Variants in ATF6 observed in about 807,000 individuals in gnomAD.
ATF6 encodes the protein activating transcription factor 6.
Under a neutral mutation model 83.6 loss-of-function variants are expected in ATF6, and 53 were observed. The ratio of observed to expected loss-of-function variants is 0.63; its 90% CI spans 0.51 to 0.80. ATF6 has a LOEUF of 0.80. Among genes scored for constraint, ATF6 ranks in the 30% least tolerant of loss-of-function variants. The pLI is 0.00. For missense variants in ATF6, 744 were observed against 797.9 expected (o/e 0.93, Z 0.81); for synonymous variants, 288 against 285.8 (o/e 1.01, Z -0.08).
intron 14 of ATF6, chr1:161,891,583 ACCT>A (rs1322428909): frequency 2.1e-4 from 32 of 152,280 alleles, no homozygotes; most frequent in African/African-American, 7.2e-4. Context: ...ATCCTGCTGC[ACCT>A]ACGGAACGAG....
chr1:161,777,005 G>A (rs535001657), intron 1 of ATF6, among the ~76,000 whole-genome samples: 5 of 152,314 alleles, frequency 3.3e-5, no homozygotes, highest in Admixed American at 3.3e-4. Flanking sequence ...TATTCTGGAA[G>A]TCAAGTGAAG....
intron 9 of ATF6, among the ~76,000 whole-genome samples, chr1:161,843,012 G>A (rs1394068): frequency 0.094 from 14,320 of 152,172 alleles, 1,253 homozygotes; most frequent in East Asian, 0.32. Flanking sequence ...TTTCCAATGC[G>A]TTTATTGCAG....
chr1:161,890,939 C>T (rs1687541812), intron 14 of ATF6: 1 of 152,252 alleles, frequency 6.6e-6, no homozygotes, highest in South Asian at 2.1e-4. Context: ...CTCTAGAAGC[C>T]ATGGCTTTTC....
At chr1:161,909,144 A>G (rs552671672) in intron 14 of ATF6, among the ~76,000 whole-genome samples, 225 of 152,334 alleles carry the variant, frequency 1.5e-3, no homozygotes, top group Middle Eastern at 6.8e-3. Flanking sequence ...TGTCTCATGT[A>G]TAAGTTTCAG....
At chr1:161,872,084 G>A (rs1163926789) in intron 14 of ATF6, among the ~76,000 whole-genome samples, 4 of 151,584 alleles carry the variant, frequency 2.6e-5, no homozygotes, top group Non-Finnish European at 4.4e-5. Context: ...AACACAATAC[G>A]ATAATCTTTA....
chr1:161,787,926 A>T (rs992633540), intron 4 of ATF6, among the ~76,000 whole-genome samples: 1 of 152,342 alleles, frequency 6.6e-6, no homozygotes, highest in Admixed American at 6.5e-5. Context: ...TGTTTTTAAG[A>T]TAAATTCCTA....
intron 14 of ATF6, among the ~76,000 whole-genome samples, chr1:161,885,196 A>G (rs1244387550): frequency 6.6e-6 from 1 of 152,154 alleles, no homozygotes; most frequent in African/African-American, 2.4e-5. Context: ...TTCTTCTCTC[A>G]GTCAGTTGAA....
Position 161,960,798 on chromosome 1 carries a change from A to T in ATF6, c.*2144A>T, listed in dbSNP as rs149264670. On this transcript the variant is annotated 3_prime_UTR_variant, in exon 16 of 16. Coordinates refer to ENST00000367942, the MANE Select transcript of ATF6 (RefSeq NM_007348.4). ...CAAATGCCCAGAAGACCTTCAGGTG[A>T]CTGGGCAGTCTTATCATGGGATATT... The T allele has an allele frequency of 6.6e-6, 1 of 152,342 alleles. No homozygotes were observed. The highest frequency in any genetic ancestry group is 1.9e-4 in the East Asian group (1 of 5,182). The allele number at this position is 152,342 out of a possible 1,614,324, so 9.4% of individuals were successfully genotyped here.
At chr1:161,820,146 A>G (rs1266877323) in intron 8 of ATF6, among the ~76,000 whole-genome samples, 1 of 147,826 alleles carries the variant, frequency 6.8e-6, no homozygotes, top group East Asian at 2.2e-4. Flanking sequence ...AAAGAAAACA[A>G]TATAAAAGTG....
At chr1:161,803,354 C>T (rs567535682) in intron 7 of ATF6, among the ~76,000 whole-genome samples, 3 of 152,240 alleles carry the variant, frequency 2.0e-5, no homozygotes, top group Admixed American at 6.5e-5. Flanking sequence ...AGAGTCCCAT[C>T]GTTTGTATAG....
intron 14 of ATF6, among the ~76,000 whole-genome samples, chr1:161,894,702 ATTTTTTTT>A (rs59848309): frequency 1.8e-5 from 2 of 109,158 alleles, no homozygotes; most frequent in Non-Finnish European, 3.6e-5. Context: ...AGCCGGGCTA[ATTTTTTTT>A]TTTTTTTTTT....
At chr1:161,952,661 C>T (rs1209146856) in intron 15 of ATF6, among the ~76,000 whole-genome samples, 1 of 149,640 alleles carries the variant, frequency 6.7e-6, no homozygotes, top group Non-Finnish European at 1.5e-5. Flanking sequence ...ATTTAATGTT[C>T]AGGCATTATA....
intron 14 of ATF6, among the ~76,000 whole-genome samples, chr1:161,868,602 T>C (rs1687060248): frequency 6.6e-6 from 1 of 152,174 alleles, no homozygotes; most frequent in African/African-American, 2.4e-5. Context: ...ACATGAGCCA[T>C]TGAGAGAAGT....
chr1:161,826,057 T>G (rs1444059732), intron 9 of ATF6, among the ~76,000 whole-genome samples: 1 of 152,180 alleles, frequency 6.6e-6, no homozygotes. Context: ...CCAAATATAT[T>G]ATTTCTTATT....
chr1:161,871,497 T>C (rs574557193), intron 14 of ATF6, among the ~76,000 whole-genome samples: 74 of 151,382 alleles, frequency 4.9e-4, no homozygotes, highest in African/African-American at 1.8e-3. Flanking sequence ...AAAATAAAAG[T>C]TAAAAAAGAA....
At chr1:161,803,267 C>G (rs1685199990) in intron 7 of ATF6, among the ~76,000 whole-genome samples, 1 of 152,166 alleles carries the variant, frequency 6.6e-6, no homozygotes, top group Non-Finnish European at 1.5e-5. Flanking sequence ...AAACAGTAAT[C>G]TCAGCCAGCA....
chr1:161,893,178 T>C (rs558794898), intron 14 of ATF6, among the ~76,000 whole-genome samples: 12 of 152,166 alleles, frequency 7.9e-5, no homozygotes, highest in East Asian at 1.9e-4. Context: ...TTCTTTCTTT[T>C]TTTTTGAGAT....
At chr1:161,913,041 C>T (rs1688022499) in intron 15 of ATF6, among the ~76,000 whole-genome samples, 1 of 152,106 alleles carries the variant, frequency 6.6e-6, no homozygotes, top group Admixed American at 6.5e-5. Flanking sequence ...AGATTACTTT[C>T]AGCTTGATTC....
intron 15 of ATF6, among the ~76,000 whole-genome samples, chr1:161,945,802 G>A (rs983305951): frequency 1.3e-5 from 2 of 152,104 alleles, no homozygotes; most frequent in Non-Finnish European, 2.9e-5. Flanking sequence ...AGCATTTCAC[G>A]CATGCTGGCT....
Sources: gnomAD v4.1 joint callset for allele counts (sites outside exome capture counted in the v4.1 genomes callset) on GRCh38, gnomAD v4.1.1 for gene constraint, MANE v1.5 for transcripts, NCBI Gene and HGNC (gene_info 2026-07-23, HGNC 2026-07-21) for gene names.